The following MSANTD2 variants were observed in gnomAD, a reference collection of about 807,000 sequenced individuals.
The protein encoded by MSANTD2 is Myb/SANT DNA binding domain containing 2.
A neutral mutation model predicts 52.6 loss-of-function variants in MSANTD2; 19 were observed. The observed-to-expected ratio is 0.36, with a 90% confidence interval of 0.25 to 0.53. The LOEUF (loss-of-function observed/expected upper bound fraction) is 0.53, where lower values mean the gene tolerates loss of function less well. Ranked by LOEUF, MSANTD2 falls within the 20% of genes least tolerant of loss-of-function variation. The pLI is 0.91. For synonymous variants in MSANTD2, 291 were observed against 289.7 expected (o/e 1.00, Z -0.04); for missense variants, 558 against 716.3 (o/e 0.78, Z 2.52).
At chr11:124,772,738 G>T (rs554352235) in intron 3 of MSANTD2, among the ~76,000 whole-genome samples, 1 of 86,392 alleles carries the variant, frequency 1.2e-5, no homozygotes, top group African/African-American at 5.7e-5. Context: ...GCGAGATTCC[G>T]TCTCAAAAAA....
Position 124,800,344 on chromosome 11 carries a change from A to T in MSANTD2, c.37T>A (p.Ser13Thr). 1 of 1,553,458 alleles carries T rather than the reference A, an allele frequency of 6.4e-7. No individual in the cohort carries two copies. Among genetic ancestry groups the T allele is most frequent in the Non-Finnish European group, 8.7e-7 (1 of 1,152,160 alleles). Reference sequence around the variant, plus strand: ...TCCATCTTCGGAATTTTTAGCGGCGAGTTGGCGGGCAGCTCCGAGCCACAG... The same window carrying T: ...TCCATCTTCGGAATTTTTAGCGGCGTGTTGGCGGGCAGCTCCGAGCCACAG... ...APCGSELPANSPLKIPKMEVL... is the reference protein window; with the variant it reads ...APCGSELPANTPLKIPKMEVL... The change falls in exon 1 of 4, where the codon TCG becomes ACG. Residue 13 changes from serine (S) to threonine (T), a missense_variant. This residue lies in a region of MSANTD2 where 150 missense variants were observed against 142.7 expected (regional missense o/e 1.05). Transcript: ENST00000374979. The surrounding 1 kb of genome is among the most constrained non-coding windows in gnomAD (Gnocchi z 4.3).
At chr11:124,777,503 C>T (rs190308775) in intron 1 of MSANTD2, among the ~76,000 whole-genome samples, 1 of 152,314 alleles carries the variant, frequency 6.6e-6, no homozygotes, top group Non-Finnish European at 1.5e-5. Context: ...TTTGGAACCA[C>T]CAAATTGAGC....
At chr11:124,799,499 C>T (rs568601712) in intron 1 of MSANTD2, among the ~76,000 whole-genome samples, 137 of 152,326 alleles carry the variant, frequency 9.0e-4, no homozygotes, top group Non-Finnish European at 1.4e-3. Context: ...TAAGCCTCTG[C>T]CTGGGAGCCC....
intron 1 of MSANTD2, among the ~76,000 whole-genome samples, chr11:124,782,530 C>T (rs1184601531): frequency 3.3e-5 from 5 of 152,152 alleles, no homozygotes. Flanking sequence ...GTTCATCTTC[C>T]TCACTTAACA....
At chr11:124,770,204 A>G (rs187643754) in intron 3 of MSANTD2, among the ~76,000 whole-genome samples, 1 of 152,318 alleles carries the variant, frequency 6.6e-6, no homozygotes, top group Admixed American at 6.5e-5. Context: ...GAAGGTCCTG[A>G]ATGATTATAA....
At chr11:124,787,650 T>C (rs1945202712) in intron 1 of MSANTD2, among the ~76,000 whole-genome samples, 2 of 152,226 alleles carry the variant, frequency 1.3e-5, no homozygotes, top group Admixed American at 6.5e-5. Context: ...ACACAACTGT[T>C]TGTGTTAACA....
In MSANTD2 at chr11:124,774,415, T is replaced by C. The variant is rs1026456154; in HGVS notation, c.766+304A>G. On this transcript the variant is annotated intron_variant, in intron 2 of 3. Coordinates refer to ENST00000374979, the MANE Select transcript of MSANTD2 (RefSeq NM_001308027.2). The surrounding 1 kb of genome is among the most constrained non-coding windows in gnomAD (Gnocchi z 5.1). ...TTACCTGTCACTGAGTGTACTTGTA[T>C]AGCTCAGAATTAGAAATTCTTCTGT... Among the ~76,000 whole-genome samples, 1 of 152,218 alleles carries C rather than the reference T, an allele frequency of 6.6e-6. No homozygotes were observed. Among genetic ancestry groups the C allele is most frequent in the African/African-American group, 2.4e-5 (1 of 41,456 alleles).
At chr11:124,785,909 T>C (rs2135257748) in intron 1 of MSANTD2, among the ~76,000 whole-genome samples, 1 of 152,012 alleles carries the variant, frequency 6.6e-6, no homozygotes, top group African/African-American at 2.4e-5. Context: ...GTCTTTAATG[T>C]AAGTTCATCT....
intron 1 of MSANTD2, among the ~76,000 whole-genome samples, chr11:124,781,059 T>C (rs920643079): frequency 1.3e-5 from 2 of 152,018 alleles, no homozygotes; most frequent in African/African-American, 2.4e-5. Context: ...GGTGGGCACC[T>C]GTAGTCCCAG....
Position 124,774,948 on chromosome 11 carries a change from C to T in MSANTD2, c.537G>A (p.Val179=). The stretch of plus-strand genomic sequence containing the variant: ...TTCTTTTCCCAACACCATGTTCTTT[C>T]ACCCGACTGTAACACCTGCGAAGGG... The part of the protein sequence containing the change: ...IKTLRRCYSR[V]KEHGVGKRKS... Residue 179 remains valine (V), a synonymous_variant, in exon 2 of 4, where the codon GTG becomes GTA. Coordinates refer to ENST00000374979, the MANE Select transcript of MSANTD2 (RefSeq NM_001308027.2). The surrounding 1 kb of genome is among the most constrained non-coding windows in gnomAD (Gnocchi z 5.1). 6.4e-7 allele frequency: 1 copy of T among 1,571,458 alleles called. No individual in the cohort carries two copies. The highest frequency in any genetic ancestry group is 1.1e-5 in the South Asian group (1 of 88,010).
chr11:124,795,418 G>C (rs1945463036), intron 1 of MSANTD2, among the ~76,000 whole-genome samples: 1 of 152,222 alleles, frequency 6.6e-6, no homozygotes, highest in Non-Finnish European at 1.5e-5. Context: ...TGTGAATGCA[G>C]CATCTGGCTC....
At chr11:124,787,249 AG>A (rs1373966891) in intron 1 of MSANTD2, among the ~76,000 whole-genome samples, 1 of 152,252 alleles carries the variant, frequency 6.6e-6, no homozygotes, top group Non-Finnish European at 1.5e-5. Context: ...CAACACGGGT[AG>A]GAATAACATG....
intron 1 of MSANTD2, among the ~76,000 whole-genome samples, chr11:124,785,102 A>G (rs1329492127): frequency 1.3e-5 from 2 of 152,230 alleles, no homozygotes; most frequent in Non-Finnish European, 2.9e-5. Context: ...TTTATAGCTC[A>G]TTTGGTAGAA....
chr11:124,784,647 G>A, intron 1 of MSANTD2: 1 of 984,822 alleles, frequency 1.0e-6, no homozygotes, highest in Non-Finnish European at 1.2e-6. Context: ...CCTTTCGTCT[G>A]TTGACCATGT....
At chr11:124,773,687 A>C (rs759113142) in intron 2 of MSANTD2, among the ~76,000 whole-genome samples, 7 of 152,244 alleles carry the variant, frequency 4.6e-5, no homozygotes, top group East Asian at 1.9e-4. Context: ...TTAAAACAAC[A>C]TTGCTAAGAA....
intron 1 of MSANTD2, among the ~76,000 whole-genome samples, chr11:124,793,562 A>G (rs1369126092): frequency 1.3e-5 from 2 of 152,238 alleles, no homozygotes; most frequent in African/African-American, 4.8e-5. Flanking sequence ...AATGTAAATT[A>G]GATAAAATTA....
chr11:124,784,284 T>G (rs1211458253), intron 1 of MSANTD2: 2 of 985,284 alleles, frequency 2.0e-6, no homozygotes, highest in Non-Finnish European at 1.2e-6. Context: ...AGTTCACACC[T>G]TGGGGGACTA....
chr11:124,797,620 A>G lies in MSANTD2; in HGVS notation c.510+2251T>C, dbSNP rs150147088. On this transcript the variant is annotated intron_variant, in intron 1 of 3. Coordinates refer to ENST00000374979, the MANE Select transcript of MSANTD2 (RefSeq NM_001308027.2). Reference sequence around the variant, plus strand: ...CTTATCATTCTGGCAGGAACACTCAACATTACTAATGAAAAAGTCTGGGTT... The same window carrying G: ...CTTATCATTCTGGCAGGAACACTCAGCATTACTAATGAAAAAGTCTGGGTT... 5.2e-3 allele frequency among the ~76,000 whole-genome samples: 795 copies of G among 152,372 alleles called. 9 individuals are homozygous for G. Among genetic ancestry groups the G allele is most frequent in the African/African-American group, 0.018 (762 of 41,588 alleles).
At chr11:124,796,608 G>A (rs902540549) in intron 1 of MSANTD2, among the ~76,000 whole-genome samples, 7 of 152,048 alleles carry the variant, frequency 4.6e-5, no homozygotes, top group African/African-American at 9.7e-5. Context: ...TACTGTACCC[G>A]GCTCATAATT....
Sources: gnomAD v4.1 joint callset for allele counts (sites outside exome capture counted in the v4.1 genomes callset) on GRCh38, gnomAD v4.1.1 for gene constraint, gnomAD v4.1.1 regional missense constraint, Gnocchi (gnomAD v3.1) non-coding constraint, MANE v1.5 for transcripts, NCBI Gene and HGNC (gene_info 2026-07-23, HGNC 2026-07-21) for gene names.